The following AVEN variants were observed in gnomAD, a reference collection of about 807,000 sequenced individuals.
AVEN encodes apoptosis and caspase activation inhibitor.
Under a neutral mutation model 38.1 loss-of-function variants are expected in AVEN, and 41 were observed. The observed-to-expected ratio is 1.08, with a 90% CI of 0.84 to 1.40. The LOEUF (loss-of-function observed/expected upper bound fraction) is 1.40. AVEN is among the 40% of genes most tolerant of loss of function. AVEN has a pLI of 0.00. For missense variants in AVEN, 605 were observed against 438.8 expected (o/e 1.38, Z -3.38); for synonymous variants, 206 against 171.8 (o/e 1.20, Z -1.56).
chr15:33,861,570 A>G (rs1224936794), downstream of AVEN, among the ~76,000 whole-genome samples: 1 of 151,888 alleles, frequency 6.6e-6, no homozygotes, highest in African/African-American at 2.4e-5. Flanking sequence ...TTTCAGCACA[A>G]TTGAAAGCTG....
intron 5 of AVEN, among the ~76,000 whole-genome samples, chr15:34,058,009 A>T (rs1900216540): frequency 6.6e-6 from 1 of 152,168 alleles, no homozygotes; most frequent in Non-Finnish European, 1.5e-5. Context: ...GGGCTAGCAA[A>T]TCTGAAATCT....
downstream of AVEN, chr15:33,858,206 ATTATT>A (rs756400812): frequency 8.7e-5 from 28 of 321,764 alleles, no homozygotes; most frequent in East Asian, 5.0e-4. Context: ...AAGATGAGAC[ATTATT>A]TTATTTTTTT....
intron 1 of AVEN, among the ~76,000 whole-genome samples, chr15:34,017,576 T>A (rs1340833888): frequency 6.8e-6 from 1 of 147,502 alleles, no homozygotes; most frequent in East Asian, 2.0e-4. Context: ...CATCTCCCAG[T>A]TCAAGCAATT....
chr15:33,866,648 C>CTTCCTCGGTAACATTTTTGGAGG lies in AVEN; in HGVS notation c.1031_1053dup (p.Glu352ProfsTer17), dbSNP rs775762462. The CTTCCTCGGTAACATTTTTGGAGG allele has an allele frequency of 6.8e-6, 11 of 1,614,022 alleles. No homozygotes were observed. The highest frequency in any genetic ancestry group is 1.3e-5 in the African/African-American group (1 of 74,932). ...ATGCTGTCCAACCAGTCTTCCAGCT[C>CTTCCTCGGTAACATTTTTGGAGG]TTCCTCGGTAACATTTTTGGAGGTA... is the stretch of plus-strand genomic sequence containing the variant. On this transcript the variant is annotated frameshift_variant, in exon 6 of 6. Coordinates refer to ENST00000306730, the MANE Select transcript of AVEN (RefSeq NM_020371.3). LOFTEE classifies it high-confidence loss of function.
intron 11 of AVEN, chr15:33,860,715 T>C (rs180760122): frequency 1.0e-4 from 130 of 1,287,492 alleles, no homozygotes; most frequent in Middle Eastern, 1.8e-4. Context: ...CAGAAGCAAA[T>C]AGATTTTTTA....
In AVEN at chr15:34,038,873, G is replaced by GCCCCGGCCACGGCCA. The variant is rs1157226817; in HGVS notation, c.159_173dup (p.Gly54_Gly58dup). On this transcript the variant is annotated inframe_insertion, in exon 1 of 6. Transcript: ENST00000306730. The stretch of plus-strand genomic sequence containing the variant: ...CTCGGCCTCCGCGAGCGCCGCGGAA[G>GCCCCGGCCACGGCCA]CCCCGGCCACGGCCACGGCCCCGGC... 8.7e-7 allele frequency: 1 copy of GCCCCGGCCACGGCCA among 1,148,002 alleles called. No individual in the cohort carries two copies. Among genetic ancestry groups the GCCCCGGCCACGGCCA allele is most frequent in the Non-Finnish European group, 1.1e-6 (1 of 938,472 alleles). The allele number at this position is 1,148,002 out of a possible 1,614,324, so 71.1% of individuals were successfully genotyped here.
At chr15:33,864,036 C>T (rs962046657), downstream of AVEN, 54 of 770,240 alleles carry the variant, frequency 7.0e-5, no homozygotes, top group Non-Finnish European at 1.0e-4. Flanking sequence ...CTGTAGATAG[C>T]GTGGGACCAA....
chr15:33,907,958 T>C (rs1305099477), intron 2 of AVEN, among the ~76,000 whole-genome samples: 1 of 152,172 alleles, frequency 6.6e-6, no homozygotes, highest in Non-Finnish European at 1.5e-5. Flanking sequence ...AAAGCATCTC[T>C]ATGTCCAAAA....
intron 2 of AVEN, among the ~76,000 whole-genome samples, chr15:33,950,314 T>C (rs886321571): frequency 2.0e-5 from 3 of 152,214 alleles, no homozygotes; most frequent in Admixed American, 1.3e-4. Context: ...TATTACTCTC[T>C]TACAATTTTC....
chr15:33,925,798 A>G (rs746144680), intron 2 of AVEN, among the ~76,000 whole-genome samples: 1 of 152,180 alleles, frequency 6.6e-6, no homozygotes, highest in Non-Finnish European at 1.5e-5. Flanking sequence ...CTTGAGATGG[A>G]AAGTTTTTAT....
chr15:33,886,117 C>T (rs1891687792), intron 2 of AVEN, among the ~76,000 whole-genome samples: 1 of 152,094 alleles, frequency 6.6e-6, no homozygotes, highest in Non-Finnish European at 1.5e-5. Context: ...CTGTATATCA[C>T]GGCCCAAACA....
chr15:33,874,851 A>G (rs117604215), intron 3 of AVEN, among the ~76,000 whole-genome samples: 4,940 of 152,330 alleles, frequency 0.032, 158 homozygotes, highest in Non-Finnish European at 0.039. Flanking sequence ...GTATGGTTCA[A>G]AAGGAGATGA....
At chr15:33,956,831 C>G (rs1894970971) in intron 2 of AVEN, among the ~76,000 whole-genome samples, 1 of 152,122 alleles carries the variant, frequency 6.6e-6, no homozygotes, top group Non-Finnish European at 1.5e-5. Context: ...ATGTTGACAT[C>G]ATCCTGATAC....
chr15:33,853,422 G>C, the AVEN span: 1 of 1,172,322 alleles, frequency 8.5e-7, no homozygotes, highest in Non-Finnish European at 1.2e-6. Context: ...TCTTTTTTCT[G>C]CATTTTGAAC....
chr15:33,888,754 T>TTG (rs950936133), intron 2 of AVEN, among the ~76,000 whole-genome samples: 75 of 151,904 alleles, frequency 4.9e-4, no homozygotes, highest in Non-Finnish European at 6.9e-4. Flanking sequence ...AATTCTTTTT[T>TTG]TGTGTGTGTG....
chr15:33,910,201 C>T (rs577070447), intron 2 of AVEN, among the ~76,000 whole-genome samples: 1 of 152,028 alleles, frequency 6.6e-6, no homozygotes, highest in South Asian at 2.1e-4. Flanking sequence ...TCCTTGGCTT[C>T]CCTGTAAGAC....
intron 2 of AVEN, among the ~76,000 whole-genome samples, chr15:33,978,380 C>T (rs1450084428): frequency 6.6e-6 from 1 of 152,082 alleles, no homozygotes; most frequent in African/African-American, 2.4e-5. Flanking sequence ...TTAAAGCGTA[C>T]AGGCCGGGCA....
chr15:33,992,354 C>A (rs977932388), intron 2 of AVEN, among the ~76,000 whole-genome samples: 4 of 152,032 alleles, frequency 2.6e-5, no homozygotes, highest in African/African-American at 9.7e-5. Context: ...TGCGCCACTG[C>A]ACTCCAGCCT....
Position 33,932,419 on chromosome 15 carries a change from T to C in AVEN, c.446-56424A>G, listed in dbSNP as rs186979641. Among the ~76,000 whole-genome samples, 251 of 152,310 alleles carry C rather than the reference T, an allele frequency of 1.6e-3. 2 individuals carry two copies. The highest frequency in any genetic ancestry group is 5.8e-3 in the African/African-American group (241 of 41,576). The stretch of plus-strand genomic sequence containing the variant: ...ACAACTCTATGTACACTGACATTAC[T>C]AGGTACACGTTTTTGCAAGATTAAC... On this transcript the variant is annotated intron_variant, in intron 2 of 5. Coordinates refer to ENST00000306730, the MANE Select transcript of AVEN (RefSeq NM_020371.3).
Sources: gnomAD v4.1 joint callset for allele counts (sites outside exome capture counted in the v4.1 genomes callset) on GRCh38, gnomAD v4.1.1 for gene constraint, MANE v1.5 for transcripts, NCBI Gene and HGNC (gene_info 2026-07-23, HGNC 2026-07-21) for gene names.